NPAS3: variants seen among roughly 807,000 people sequenced by gnomAD.
NPAS3 encodes the protein neuronal PAS domain protein 3, also known as neuronal PAS domain-containing protein 3.
NPAS3 carries 14 observed loss-of-function variants against 73.1 expected under a neutral mutation model. The ratio of observed to expected loss-of-function variants is 0.19; its 90% CI spans 0.13 to 0.30. The LOEUF (loss-of-function observed/expected upper bound fraction) is 0.30. Among genes scored for constraint, NPAS3 ranks in the 10% least tolerant of loss-of-function variants. The pLI is 1.00. For missense variants in NPAS3, 1,096 were observed against 1,250.0 expected (o/e 0.88, Z 1.86); for synonymous variants, 620 against 541.5 (o/e 1.14, Z -2.01).
intron 2 of NPAS3, among the ~76,000 whole-genome samples, chr14:33,079,158 C>T (rs2041773010): frequency 6.6e-6 from 1 of 152,062 alleles, no homozygotes; most frequent in Non-Finnish European, 1.5e-5. Flanking sequence ...TTTTCAGTAC[C>T]ATTTTTCATT....
At chr14:33,233,790 T>C (rs2047935448) in intron 3 of NPAS3, among the ~76,000 whole-genome samples, 1 of 152,156 alleles carries the variant, frequency 6.6e-6, no homozygotes, top group Non-Finnish European at 1.5e-5. Flanking sequence ...AGGAGTTTAT[T>C]CATTTGACAT....
At chr14:33,008,383 A>G (rs1008935267) in intron 1 of NPAS3, among the ~76,000 whole-genome samples, 2 of 152,198 alleles carry the variant, frequency 1.3e-5, no homozygotes, top group South Asian at 4.1e-4. Context: ...AATACAGTAT[A>G]TTTTCTGTAG....
intron 2 of NPAS3, among the ~76,000 whole-genome samples, chr14:33,144,397 A>G (rs537234944): frequency 1.4e-4 from 21 of 152,298 alleles, no homozygotes; most frequent in African/African-American, 5.1e-4. Context: ...TATTTTTACA[A>G]TTTTTAAATT....
At chr14:33,624,082 C>A (rs1282015054) in intron 5 of NPAS3, among the ~76,000 whole-genome samples, 1 of 152,220 alleles carries the variant, frequency 6.6e-6, no homozygotes, top group African/African-American at 2.4e-5. Context: ...AGCTCCCTGA[C>A]ACCCCTAAAC....
At chr14:33,192,147 T>A (rs534015753) in intron 2 of NPAS3, among the ~76,000 whole-genome samples, 1 of 152,296 alleles carries the variant, frequency 6.6e-6, no homozygotes, top group South Asian at 2.1e-4. Context: ...TAGGAGACCT[T>A]AGGCAAATTA....
chr14:33,432,963 A>T (rs1195181481), intron 4 of NPAS3, among the ~76,000 whole-genome samples: 2 of 152,222 alleles, frequency 1.3e-5, no homozygotes, highest in African/African-American at 4.8e-5. Context: ...TAGGTATTCC[A>T]TGTCATTGAT....
At chr14:33,059,737 C>T (rs1022569638) in intron 2 of NPAS3, among the ~76,000 whole-genome samples, 1 of 152,178 alleles carries the variant, frequency 6.6e-6, no homozygotes, top group African/African-American at 2.4e-5. Context: ...TTTTCAAATA[C>T]AAAAGTAAAA....
intron 2 of NPAS3, among the ~76,000 whole-genome samples, chr14:33,210,365 C>T (rs1300103630): frequency 6.6e-6 from 1 of 151,728 alleles, no homozygotes; most frequent in African/African-American, 2.4e-5. Context: ...CCCCTTTTTT[C>T]AAACTTTTTT....
chr14:33,091,734 C>G (rs560680720), intron 2 of NPAS3, among the ~76,000 whole-genome samples: 1 of 152,228 alleles, frequency 6.6e-6, no homozygotes, highest in Admixed American at 6.5e-5. Flanking sequence ...AAAATACTGG[C>G]AAACCGAATC....
downstream of NPAS3, chr14:33,802,205 A>G (rs2063729159): frequency 6.6e-6 from 1 of 151,906 alleles, no homozygotes; most frequent in African/African-American, 2.4e-5. Context: ...GGTTTTTTTC[A>G]TTTCTTGCTT....
At chr14:33,026,160 A>G (rs2039793591) in intron 1 of NPAS3, among the ~76,000 whole-genome samples, 1 of 152,206 alleles carries the variant, frequency 6.6e-6, no homozygotes, top group South Asian at 2.1e-4. Flanking sequence ...TTTACATAAG[A>G]TGACCATTAT....
chr14:33,136,245 G>C (rs1166553002), intron 2 of NPAS3, among the ~76,000 whole-genome samples: 4 of 151,782 alleles, frequency 2.6e-5, no homozygotes, highest in Non-Finnish European at 4.4e-5. Flanking sequence ...ATTTTTAGTA[G>C]AGACAGGGTT....
At chr14:33,760,650 G>T (rs1210611628) in intron 7 of NPAS3, among the ~76,000 whole-genome samples, 2 of 151,604 alleles carry the variant, frequency 1.3e-5, no homozygotes, top group African/African-American at 4.9e-5. Context: ...GGGTCAGTTT[G>T]CCCATCCTGC....
At chr14:33,163,742 G>A (rs970517628) in intron 2 of NPAS3, among the ~76,000 whole-genome samples, 1 of 150,038 alleles carries the variant, frequency 6.7e-6, no homozygotes, top group East Asian at 2.0e-4. Context: ...AAAAAGGCTA[G>A]TTTAAGTAAT....
At chr14:33,620,176 G>A (rs903237527) in intron 5 of NPAS3, among the ~76,000 whole-genome samples, 2 of 152,268 alleles carry the variant, frequency 1.3e-5, no homozygotes, top group East Asian at 1.9e-4. Context: ...TATGCGCACC[G>A]ACGAGAAGAT....
intron 4 of NPAS3, among the ~76,000 whole-genome samples, chr14:33,445,581 A>C (rs2049449873): frequency 6.6e-6 from 1 of 152,248 alleles, no homozygotes; most frequent in South Asian, 2.1e-4. Context: ...TGTTGACACT[A>C]TTCTCTTGAC....
chr14:33,264,856 A>G (rs1467422424), intron 3 of NPAS3, among the ~76,000 whole-genome samples: 2 of 152,158 alleles, frequency 1.3e-5, no homozygotes, highest in African/African-American at 2.4e-5. Flanking sequence ...AGAGTTCCTC[A>G]GAGACCAGGG....
At chr14:33,402,245 T>G (rs930834595) in intron 4 of NPAS3, among the ~76,000 whole-genome samples, 1 of 152,092 alleles carries the variant, frequency 6.6e-6, no homozygotes, top group African/African-American at 2.4e-5. Context: ...TGCCCCAAGC[T>G]CTTCAGAGGC....
rs10688249 is a variant in NPAS3 at position 33,563,565 on chromosome 14, G to GAGAGAA, written c.558+3355_558+3356insAGAGAA. Among the ~76,000 whole-genome samples, 3 of 144,532 alleles carry GAGAGAA rather than the reference G, an allele frequency of 2.1e-5. No homozygotes were observed. In the South Asian group the frequency reaches 6.6e-4, roughly 32 times the overall value. 94.8% of individuals were successfully genotyped at this position (144,532 alleles called of 152,430 possible). On this transcript the variant is annotated intron_variant, in intron 5 of 11. Coordinates refer to ENST00000356141, the Ensembl canonical transcript of NPAS3. Reference sequence around the variant, plus strand: ...AGAGAGAGAGAGAGAGAGAGAGAGAGGAGAGATGTATATATTTAACCTAAC... The same window carrying GAGAGAA: ...AGAGAGAGAGAGAGAGAGAGAGAGAGAGAGAAGAGAGATGTATATATTTAACCTAAC...
Sources: allele counts gnomAD v4.1 joint callset (sites outside exome capture counted in the v4.1 genomes callset), GRCh38; gene constraint gnomAD v4.1.1; transcripts MANE v1.5; gene names NCBI Gene and HGNC (gene_info 2026-07-23, HGNC 2026-07-21).